CCDC192: variants seen among roughly 807,000 people sequenced by gnomAD.
The protein encoded by CCDC192 is coiled-coil domain-containing protein 192.
At chr5:127,863,636 G>A (rs1424000808) in intron 5 of CCDC192, among the ~76,000 whole-genome samples, 2 of 152,152 alleles carry the variant, frequency 1.3e-5, no homozygotes, top group Admixed American at 6.5e-5. Context: ...GCACAACAAT[G>A]TGCCTATATG....
chr5:127,823,462 A>G (rs1749386973), intron 5 of CCDC192, among the ~76,000 whole-genome samples: 1 of 152,136 alleles, frequency 6.6e-6, no homozygotes, highest in Non-Finnish European at 1.5e-5. Context: ...TTCTTCTCTC[A>G]CCACTGATTT....
intron 3 of CCDC192, among the ~76,000 whole-genome samples, chr5:127,795,685 AT>A (rs1282492556): frequency 6.6e-6 from 1 of 151,864 alleles, no homozygotes; most frequent in African/African-American, 2.4e-5. Context: ...GGTTCAAGTG[AT>A]TCTCCTGCCT....
chr5:127,917,388 A>T (rs1753553099), intron 6 of CCDC192, among the ~76,000 whole-genome samples: 1 of 152,212 alleles, frequency 6.6e-6, no homozygotes, highest in African/African-American at 2.4e-5. Context: ...CTTTGCATTC[A>T]CAACTTGGCT....
intron 5 of CCDC192, among the ~76,000 whole-genome samples, chr5:127,815,455 G>T (rs1044568794): frequency 5.9e-5 from 9 of 152,114 alleles, no homozygotes; most frequent in Non-Finnish European, 1.0e-4. Flanking sequence ...GGAAAATCAG[G>T]TTTTACATGA....
At chr5:127,862,524 A>G (rs1260220773) in intron 5 of CCDC192, among the ~76,000 whole-genome samples, 1 of 152,200 alleles carries the variant, frequency 6.6e-6, no homozygotes, top group Admixed American at 6.5e-5. Flanking sequence ...TTACAGTCTC[A>G]TGCCCAAACT....
intron 6 of CCDC192, among the ~76,000 whole-genome samples, chr5:127,932,461 C>T (rs1052599174): frequency 6.6e-6 from 1 of 152,166 alleles, no homozygotes; most frequent in Non-Finnish European, 1.5e-5. Context: ...ACTTCGGCCT[C>T]CTAAAGTGCT....
chr5:127,781,713 T>G (rs1756235839), intron 3 of CCDC192, among the ~76,000 whole-genome samples: 1 of 152,150 alleles, frequency 6.6e-6, no homozygotes, highest in South Asian at 2.1e-4. Flanking sequence ...GCTGAATGCT[T>G]TTATCAATTG....
intron 2 of CCDC192, among the ~76,000 whole-genome samples, chr5:127,713,334 C>G (rs1043577543): frequency 6.6e-6 from 1 of 152,008 alleles, no homozygotes; most frequent in Non-Finnish European, 1.5e-5. Flanking sequence ...AGCAACTTTT[C>G]ACTTGCTTAT....
At chr5:127,839,853 T>C (rs1467617116) in intron 5 of CCDC192, among the ~76,000 whole-genome samples, 1 of 151,954 alleles carries the variant, frequency 6.6e-6, no homozygotes, top group Non-Finnish European at 1.5e-5. Context: ...ATACTGCCAA[T>C]ACTCCATCTT....
At chr5:127,833,133 A>G (rs1749878654) in intron 5 of CCDC192, among the ~76,000 whole-genome samples, 1 of 152,152 alleles carries the variant, frequency 6.6e-6, no homozygotes, top group Admixed American at 6.5e-5. Context: ...TAACATTCTT[A>G]TAACTCCTTC....
At chr5:127,819,706 A>G (rs745869214) in intron 5 of CCDC192, among the ~76,000 whole-genome samples, 25 of 152,136 alleles carry the variant, frequency 1.6e-4, no homozygotes, top group Non-Finnish European at 3.4e-4. Flanking sequence ...AGATTCTGAA[A>G]TCCTTTCATG....
chr5:127,752,819 G>A (rs535954889), intron 2 of CCDC192, among the ~76,000 whole-genome samples: 17 of 152,192 alleles, frequency 1.1e-4, no homozygotes, highest in Admixed American at 1.0e-3. Flanking sequence ...CTCGTGGTGC[G>A]CCGTTTTTTA....
chr5:127,843,037 T>G (rs1483421366), intron 5 of CCDC192, among the ~76,000 whole-genome samples: 2 of 143,192 alleles, frequency 1.4e-5, no homozygotes, highest in Non-Finnish European at 3.1e-5. Context: ...AAGTTTTTTT[T>G]TTTTTTTTTT....
intron 6 of CCDC192, among the ~76,000 whole-genome samples, chr5:127,937,843 A>G (rs773911468): frequency 1.2e-4 from 19 of 152,234 alleles, no homozygotes; most frequent in Non-Finnish European, 2.8e-4. Flanking sequence ...GACCAGTTTG[A>G]CCAGGGGTGA....
chr5:127,924,928 G>A (rs1346234211), intron 6 of CCDC192, among the ~76,000 whole-genome samples: 1 of 151,922 alleles, frequency 6.6e-6, no homozygotes, highest in Non-Finnish European at 1.5e-5. Context: ...TACAGAGGAG[G>A]AAGCTATGGA....
intron 6 of CCDC192, among the ~76,000 whole-genome samples, chr5:127,880,759 C>T (rs1456040554): frequency 6.6e-6 from 1 of 151,960 alleles, no homozygotes; most frequent in Non-Finnish European, 1.5e-5. Flanking sequence ...GTGGATGGAT[C>T]GCCTGAGATC....
At position 127,768,894 on chromosome 5, in the gene CCDC192, A is replaced by T. The variant is rs139734496; in HGVS notation, c.222+14519A>T. Among the ~76,000 whole-genome samples, 1,042 of 152,330 alleles carry T rather than the reference A, an allele frequency of 6.8e-3. 12 individuals are homozygous for T. The highest frequency in any genetic ancestry group is 0.024 in the African/African-American group (998 of 41,570). On this transcript the variant is annotated intron_variant, in intron 3 of 6. Transcript: ENST00000514853. Reference sequence around the variant, plus strand: ...ACAGGTAATTTTTAAAGTGCTTGCCAATGTTATTTACTGCCAGGAAATTTC... The same window carrying T: ...ACAGGTAATTTTTAAAGTGCTTGCCTATGTTATTTACTGCCAGGAAATTTC...
At chr5:127,882,085 G>A (rs1561537715) in intron 6 of CCDC192, among the ~76,000 whole-genome samples, 1 of 152,162 alleles carries the variant, frequency 6.6e-6, no homozygotes, top group Non-Finnish European at 1.5e-5. Context: ...CTCCCATTAA[G>A]GAGGTACTCC....
At position 127,826,734 on chromosome 5, in the gene CCDC192, G is replaced by A. The variant is rs548358554; in HGVS notation, c.411+28572G>A. ...TTCATATCCCAAACCTCAGCATCACGTAATATACCCAGGTAACAAACCTGC... is the reference window on the plus strand; with the variant it reads ...TTCATATCCCAAACCTCAGCATCACATAATATACCCAGGTAACAAACCTGC... On this transcript the variant is annotated intron_variant, in intron 5 of 6. Transcript: ENST00000514853. 6.0e-5 allele frequency among the ~76,000 whole-genome samples: 9 copies of A among 150,656 alleles called. No individual in the cohort carries two copies. The East Asian group carries it at 9.7e-4, about 16-fold the overall frequency.
Sources: allele counts gnomAD v4.1 joint callset (sites outside exome capture counted in the v4.1 genomes callset), GRCh38; gene constraint gnomAD v4.1.1; transcripts MANE v1.5; gene names NCBI Gene and HGNC (gene_info 2026-07-23, HGNC 2026-07-21).